PUM2: variants seen among roughly 807,000 people sequenced by gnomAD.
The protein encoded by PUM2 is pumilio homolog 2.
PUM2 carries 57 observed loss-of-function variants against 124.5 expected under a neutral mutation model. The observed-to-expected ratio is 0.46, with a 90% CI of 0.37 to 0.57. PUM2 has a LOEUF of 0.57. Ranked by LOEUF, PUM2 falls within the 20% of genes least tolerant of loss-of-function variation. The probability of loss-of-function intolerance (pLI) is 0.00; values close to 1 mark genes in which losing one functional copy is unlikely to be tolerated. For synonymous variants in PUM2, 460 were observed against 446.1 expected, an observed-to-expected ratio of 1.03 and a Z score of -0.39; for missense variants, 1,065 against 1,290.6, an observed-to-expected ratio of 0.83 and a Z score of 2.68.
intron 15 of PUM2, among the ~76,000 whole-genome samples, chr2:20,259,274 A>AT (rs948437962): frequency 5.5e-4 from 83 of 152,166 alleles, no homozygotes; most frequent in African/African-American, 1.9e-3. Context: ...TCATGTTAAA[A>AT]TTTTTTTTGT....
At chr2:20,254,725 T>C (rs1423992244) in intron 19 of PUM2, 138 bp downstream of exon 19, 1 of 907,966 alleles carries the variant, frequency 1.1e-6, no homozygotes, top group African/African-American at 1.7e-5. Flanking sequence ...AAAAGCAATG[T>C]TCTATAGGTG....
chr2:20,327,281 G>T, intron 2 of PUM2, 29 bp downstream of exon 2: 2 of 1,428,716 alleles, frequency 1.4e-6, no homozygotes, highest in Non-Finnish European at 2.0e-6. Flanking sequence ...AAAGTGAGGT[G>T]TAAGTTCTTA....
At chr2:20,332,648 T>A (rs1685162714) in intron 1 of PUM2, among the ~76,000 whole-genome samples, 1 of 152,244 alleles carries the variant, frequency 6.6e-6, no homozygotes, top group African/African-American at 2.4e-5. Flanking sequence ...ATTTCTAAAG[T>A]ATGTCAATCT....
rs143038687 is a variant in PUM2 at position 20,328,296 on chromosome 2, C to G, written c.-18-918G>C. Among the ~76,000 whole-genome samples, 53 of 152,300 alleles carry G rather than the reference C, an allele frequency of 3.5e-4. No individual in the cohort carries two copies. The East Asian group carries it at 9.4e-3, about 27-fold the overall frequency. On this transcript the variant is annotated intron_variant, in intron 1 of 20. Transcript: ENST00000361078. ...AATGAGCCAAAATCGTGCCATTGCACTCCAGCCTGGGCATCGCAGAGAGAC... is the reference window on the plus strand; with the variant it reads ...AATGAGCCAAAATCGTGCCATTGCAGTCCAGCCTGGGCATCGCAGAGAGAC...
rs775667188 is a variant in PUM2 at position 20,254,042 on chromosome 2, T to C, written c.2871-28A>G. 2.5e-6 allele frequency: 4 copies of C among 1,570,706 alleles called. No individual in the cohort carries two copies. The Admixed American group carries it at 7.4e-5, about 29-fold the overall frequency. On this transcript the variant is annotated intron_variant, in intron 19 of 20. Transcript: ENST00000361078. ...AAAAATTAAAGCAGATAAACAAAGA[T>C]TTGTTATTTTTTTCTTCACAGCAAA...
Position 20,250,120 on chromosome 2 carries a change from C to A in PUM2, c.*1465G>T, listed in dbSNP as rs944451798. 3.3e-5 allele frequency: 5 copies of A among 152,510 alleles called. No individual in the cohort carries two copies. The highest frequency in any genetic ancestry group is 1.2e-4 in the African/African-American group (5 of 41,420). The allele number at this position is 152,510 out of a possible 1,614,324, so 9.4% of individuals were successfully genotyped here. Reference sequence around the variant, plus strand: ...AAAAAAGCATTGGCCTCCATGGTAACCAAATATCTCAGTCCAATACTTTCT... The same window carrying A: ...AAAAAAGCATTGGCCTCCATGGTAAACAAATATCTCAGTCCAATACTTTCT... On this transcript the variant is annotated 3_prime_UTR_variant, in exon 21 of 21. Transcript: ENST00000361078.
intron 20 of PUM2, among the ~76,000 whole-genome samples, chr2:20,252,298 G>C (rs1259786913): frequency 6.6e-6 from 1 of 152,150 alleles, no homozygotes; most frequent in Non-Finnish European, 1.5e-5. Context: ...TGTAGTCTCA[G>C]CTACTAAGGA....
chr2:20,308,149 T>C, intron 6 of PUM2, 78 bp from the exon 7 acceptor site: 1 of 1,527,872 alleles, frequency 6.5e-7, no homozygotes. Context: ...TAAAACATTT[T>C]AAACATTTTT....
chr2:20,301,542 C>T (rs1676974531), intron 7 of PUM2, among the ~76,000 whole-genome samples: 1 of 152,104 alleles, frequency 6.6e-6, no homozygotes, highest in South Asian at 2.1e-4. Flanking sequence ...TACACTTTTT[C>T]ACCTACCAAT....
At position 20,307,940 on chromosome 2, in the gene PUM2, C is replaced by G. The variant is rs1274839936; in HGVS notation, c.883+38G>C. On this transcript the variant is annotated intron_variant, in intron 7 of 20. Coordinates refer to ENST00000361078, the MANE Select transcript of PUM2 (RefSeq NM_015317.5). ...AAGTGAAACATCCTAGACATTTTAA[C>G]AAGACTTTGGTCAAAATGAGAACGT... The G allele has an allele frequency of 1.9e-6, 3 of 1,586,720 alleles. No individual in the cohort carries two copies. In the South Asian group the frequency reaches 3.4e-5, roughly 18 times the overall value.
chr2:20,338,351 T>C (rs1057153977), intron 1 of PUM2, among the ~76,000 whole-genome samples: 6 of 152,080 alleles, frequency 3.9e-5, no homozygotes, highest in Non-Finnish European at 8.8e-5. Context: ...GAGCCGAGAC[T>C]GCACCACTGC....
intron 9 of PUM2, among the ~76,000 whole-genome samples, chr2:20,292,706 G>T (rs902647816): frequency 1.3e-5 from 2 of 152,094 alleles, no homozygotes; most frequent in Non-Finnish European, 2.9e-5. Flanking sequence ...CAAGGCAGGC[G>T]GATCACCTGA....
intron 7 of PUM2, among the ~76,000 whole-genome samples, chr2:20,303,720 C>T (rs1216499578): frequency 5.3e-5 from 8 of 152,088 alleles, no homozygotes; most frequent in Admixed American, 2.6e-4. Flanking sequence ...GTGTTCTGGG[C>T]GACCATCTAC....
chr2:20,347,893 A>G (rs1205377163), intron 1 of PUM2, among the ~76,000 whole-genome samples: 2 of 152,232 alleles, frequency 1.3e-5, no homozygotes, highest in Non-Finnish European at 2.9e-5. Context: ...TGCTTTCTGC[A>G]GGGAGAAGAC....
intron 7 of PUM2, among the ~76,000 whole-genome samples, chr2:20,299,696 G>A (rs1442458500): frequency 6.6e-6 from 1 of 152,046 alleles, no homozygotes; most frequent in Non-Finnish European, 1.5e-5. Context: ...CATGGTTTTA[G>A]AGAGTTTTCC....
chr2:20,294,242 T>C (rs751976135), intron 9 of PUM2, 134 bp downstream of exon 9: 11 of 901,138 alleles, frequency 1.2e-5, no homozygotes, highest in African/African-American at 1.7e-5. Context: ...GCATAAATAC[T>C]TGCGTATCAA....
chr2:20,343,486 G>A (rs994106940), intron 1 of PUM2, among the ~76,000 whole-genome samples: 1 of 152,132 alleles, frequency 6.6e-6, no homozygotes, highest in Non-Finnish European at 1.5e-5. Flanking sequence ...AAACTAGTAA[G>A]TTTAAAGCTA....
At chr2:20,304,537 C>T (rs968072453) in intron 7 of PUM2, among the ~76,000 whole-genome samples, 1 of 152,180 alleles carries the variant, frequency 6.6e-6, no homozygotes, top group African/African-American at 2.4e-5. Context: ...AATATTTATG[C>T]ATCATCTAAT....
At position 20,273,069 on chromosome 2, in the gene PUM2, C is replaced by A. The variant is rs1421414151; in HGVS notation, c.1957+5514G>T. Among the ~76,000 whole-genome samples, 5 of 152,120 alleles carry A rather than the reference C, an allele frequency of 3.3e-5. No homozygotes were observed. In the East Asian group the frequency reaches 9.6e-4, roughly 29 times the overall value. ...AGGCTACCTTTTGATCCTTAGGGTA[C>A]CTTATAAGCATGGTGGGATGGTGTA... is the stretch of plus-strand genomic sequence containing the variant. On this transcript the variant is annotated intron_variant, in intron 13 of 20. Transcript: ENST00000361078.
Sources: allele counts gnomAD v4.1 joint callset (sites outside exome capture counted in the v4.1 genomes callset), GRCh38; gene constraint gnomAD v4.1.1; transcripts MANE v1.5; gene names NCBI Gene and HGNC (gene_info 2026-07-23, HGNC 2026-07-21).